Variants in MALRD1 observed in about 807,000 individuals in gnomAD.
The protein encoded by MALRD1 is MAM and LDL receptor class A domain containing 1, also known as MAM and LDL-receptor class A domain-containing protein 1.
Under a neutral mutation model 242.1 loss-of-function variants are expected in MALRD1, and 247 were observed. The observed-to-expected ratio is 1.02, with a 90% CI of 0.92 to 1.13. MALRD1 has a LOEUF of 1.13. MALRD1 is among the 50% of genes most tolerant of loss of function. The pLI, the probability that MALRD1 is intolerant of heterozygous loss-of-function variation, is 0.00. For synonymous variants in MALRD1, 995 were observed against 866.6 expected (o/e 1.15, Z -2.60); for missense variants, 2,989 against 2,533.1 (o/e 1.18, Z -3.86).
At chr10:19,135,952 C>G (rs1165926777) in intron 9 of MALRD1, among the ~76,000 whole-genome samples, 1 of 152,182 alleles carries the variant, frequency 6.6e-6, no homozygotes, top group Non-Finnish European at 1.5e-5. Context: ...TTGGTGACAA[C>G]AAAATTTATT....
chr10:19,155,882 T>A (rs1305974761), intron 12 of MALRD1, among the ~76,000 whole-genome samples: 5 of 152,190 alleles, frequency 3.3e-5, no homozygotes, highest in Non-Finnish European at 7.3e-5. Context: ...AATGTTTGTA[T>A]CAAACATTGG....
At chr10:19,332,656 A>T (rs1669855377) in intron 24 of MALRD1, among the ~76,000 whole-genome samples, 1 of 152,216 alleles carries the variant, frequency 6.6e-6, no homozygotes, top group South Asian at 2.1e-4. Flanking sequence ...CTGGAATATC[A>T]TGAACAACTT....
chr10:19,627,691 G>A (rs1344587252), intron 36 of MALRD1, among the ~76,000 whole-genome samples: 1 of 150,620 alleles, frequency 6.6e-6, no homozygotes, highest in Non-Finnish European at 1.5e-5. Context: ...AACACGGTGG[G>A]CAGAGGTTTC....
chr10:19,204,476 A>G (rs997159185), intron 16 of MALRD1, 63 bp downstream of exon 16: 53 of 1,112,634 alleles, frequency 4.8e-5, no homozygotes, highest in Non-Finnish European at 6.8e-5. Context: ...AAGTGTTTGC[A>G]GGCATACCTC....
chr10:19,611,279 T>G (rs1838882015), intron 35 of MALRD1, among the ~76,000 whole-genome samples: 1 of 151,914 alleles, frequency 6.6e-6, no homozygotes, highest in Non-Finnish European at 1.5e-5. Flanking sequence ...AGGACTTAGG[T>G]GGTTATCAAT....
chr10:19,108,581 AT>A lies in MALRD1; in HGVS notation c.694+4512del, dbSNP rs1245303262. On this transcript the variant is annotated intron_variant, in intron 5 of 39. Transcript: ENST00000454679. The stretch of plus-strand genomic sequence containing the variant: ...AGGTGCCCGCCACCGCGCCCGGCTA[AT>A]TTTTTGTATTTTTTTTAGTAGAGAC... 3.2e-5 allele frequency among the ~76,000 whole-genome samples: 2 copies of A among 63,050 alleles called. 1 individual carries two copies. Among genetic ancestry groups the A allele is most frequent in the Non-Finnish European group, 5.4e-5 (2 of 37,140 alleles). 41.4% of individuals were successfully genotyped at this position (63,050 alleles called of 152,430 possible).
chr10:19,621,957 A>T (rs1260469444), intron 36 of MALRD1, among the ~76,000 whole-genome samples: 2 of 151,882 alleles, frequency 1.3e-5, no homozygotes, highest in African/African-American at 2.4e-5. Context: ...AAAATTTAAC[A>T]TCTATTCTTT....
rs530323353 is a variant in MALRD1 at position 19,357,408 on chromosome 10, T to A, written c.4441+5111T>A. Among the ~76,000 whole-genome samples the A allele has an allele frequency of 3.5e-3, 526 of 152,258 alleles. 4 individuals carry two copies. Among genetic ancestry groups the A allele is most frequent in the African/African-American group, 0.012 (507 of 41,562 alleles). ...AGTCTCATTTTACATTATCCTGTAT[T>A]TTTTATATCTCTACCTGTATTCTTT... On this transcript the variant is annotated intron_variant, in intron 26 of 39. Coordinates refer to ENST00000454679, the MANE Select transcript of MALRD1 (RefSeq NM_001142308.3).
At chr10:19,278,454 C>CATCT (rs1431662382) in intron 19 of MALRD1, among the ~76,000 whole-genome samples, 2 of 151,690 alleles carry the variant, frequency 1.3e-5, no homozygotes, top group Non-Finnish European at 2.9e-5. Flanking sequence ...TCCATCCATC[C>CATCT]ATCCATCCAT....
intron 18 of MALRD1, among the ~76,000 whole-genome samples, chr10:19,233,756 C>A (rs1432517911): frequency 2.6e-5 from 4 of 151,688 alleles, no homozygotes; most frequent in African/African-American, 7.3e-5. Flanking sequence ...AACATTAGTG[C>A]TAATTTGTTT....
rs868261559 is a variant in MALRD1, at chr10:19,389,447, C to T, written c.4688-5C>T. On this transcript the variant is annotated splice_polypyrimidine_tract_variant and splice_region_variant and intron_variant, in intron 27 of 39. Coordinates refer to ENST00000454679, the MANE Select transcript of MALRD1 (RefSeq NM_001142308.3). ...TTCTTCTCTGAATTCTGTCCTTGTT[C>T]CTAGGGCACTTCATGTATCTGGAAG... 6 of 1,549,886 alleles carry T rather than the reference C, an allele frequency of 3.9e-6. No homozygotes were observed. Among genetic ancestry groups the T allele is most frequent in the South Asian group, 2.4e-5 (2 of 84,000 alleles).
intron 21 of MALRD1, among the ~76,000 whole-genome samples, chr10:19,298,615 T>C (rs963032130): frequency 2.6e-5 from 4 of 152,002 alleles, no homozygotes; most frequent in African/African-American, 9.7e-5. Context: ...AGAATGACTG[T>C]GGAACCTTGG....
At chr10:19,439,930 T>C (rs1177487555) in intron 28 of MALRD1, among the ~76,000 whole-genome samples, 1 of 152,222 alleles carries the variant, frequency 6.6e-6, no homozygotes, top group Non-Finnish European at 1.5e-5. Context: ...ATTTTGTTTA[T>C]TACATTTTCC....
intron 7 of MALRD1, among the ~76,000 whole-genome samples, chr10:19,127,879 A>T (rs1232385148): frequency 1.3e-5 from 2 of 152,142 alleles, no homozygotes; most frequent in Non-Finnish European, 2.9e-5. Flanking sequence ...TGATTAAAAA[A>T]AGGATTGAAT....
At chr10:19,142,324 C>T (rs557077561) in intron 10 of MALRD1, among the ~76,000 whole-genome samples, 1 of 151,990 alleles carries the variant, frequency 6.6e-6, no homozygotes, top group East Asian at 1.9e-4. Flanking sequence ...CTGTTAAAAT[C>T]TAATATATTC....
intron 36 of MALRD1, among the ~76,000 whole-genome samples, chr10:19,684,383 A>G (rs963313851): frequency 6.6e-6 from 1 of 152,222 alleles, no homozygotes; most frequent in Non-Finnish European, 1.5e-5. Context: ...TGGGCTTTAT[A>G]TAATTTCTAA....
chr10:19,351,848 C>G lies in MALRD1; in HGVS notation c.4150-158C>G, dbSNP rs983074952. On this transcript the variant is annotated intron_variant, in intron 25 of 39. Coordinates refer to ENST00000454679, the MANE Select transcript of MALRD1 (RefSeq NM_001142308.3). ...ATGACTCAAGGCTGGTCTAACTTCACTCAGTGTTAAAGTGCAGACAGAGCA... is the reference window on the plus strand; with the variant it reads ...ATGACTCAAGGCTGGTCTAACTTCAGTCAGTGTTAAAGTGCAGACAGAGCA... Among the ~76,000 whole-genome samples, 12 of 152,154 alleles carry G rather than the reference C, an allele frequency of 7.9e-5. No individual in the cohort carries two copies. The East Asian group carries it at 1.9e-3, about 24-fold the overall frequency.
rs1026921699 is a variant in MALRD1, at chr10:19,113,565, C to T, written c.694+9490C>T. ...CTACATTTCTCCTCCCTCCTTCCTC[C>T]ACCTCCCTTGCCTTCTTCCTCTCCT... On this transcript the variant is annotated intron_variant, in intron 5 of 39. Coordinates refer to ENST00000454679, the MANE Select transcript of MALRD1 (RefSeq NM_001142308.3). 2.6e-5 allele frequency among the ~76,000 whole-genome samples: 4 copies of T among 151,600 alleles called. No homozygotes were observed. The Admixed American group carries it at 2.6e-4, about 10-fold the overall frequency.
rs150725587 is a variant in MALRD1 at position 19,123,918 on chromosome 10, A to G, written c.796+325A>G. ...GGTAAAATATAAAGCCATTTTAAAA[A>G]TCGTTGACTGGGTATGGTGGCTCAT... On this transcript the variant is annotated intron_variant, in intron 6 of 39. Transcript: ENST00000454679. Among the ~76,000 whole-genome samples the G allele has an allele frequency of 1.2e-3, 187 of 152,200 alleles. 1 individual carries two copies. Among genetic ancestry groups the G allele is most frequent in the Middle Eastern group, 0.01 (3 of 294 alleles).
Sources: allele counts gnomAD v4.1 joint callset (sites outside exome capture counted in the v4.1 genomes callset), GRCh38; gene constraint gnomAD v4.1.1; transcripts MANE v1.5; gene names NCBI Gene and HGNC (gene_info 2026-07-23, HGNC 2026-07-21).